Variants in NDUFA9 observed in about 807,000 individuals in gnomAD.
The protein encoded by NDUFA9 is NADH dehydrogenase [ubiquinone] 1 alpha subcomplex subunit 9, mitochondrial.
A neutral mutation model predicts 45.9 loss-of-function variants in NDUFA9; 23 were observed. The ratio of observed to expected loss-of-function variants is 0.50; its 90% confidence interval spans 0.36 to 0.71. NDUFA9 has a LOEUF of 0.71. Ranked by LOEUF, NDUFA9 falls within the 30% of genes least tolerant of loss-of-function variation. The pLI, the probability that NDUFA9 is intolerant of heterozygous loss-of-function variation, is 0.00. For synonymous variants in NDUFA9, 176 were observed against 170.5 expected (o/e 1.03, Z -0.25); for missense variants, 466 against 488.2 (o/e 0.95, Z 0.43).
chr12:4,682,085 A>G (rs917686412), intron 8 of NDUFA9, 120 bp from the exon 9 acceptor site: 9 of 607,070 alleles, frequency 1.5e-5, no homozygotes, highest in African/African-American at 1.1e-4. Context: ...TCTTTGTGCT[A>G]TTCTGTATCT....
chr12:4,685,930 A>G (rs1255399266), intron 10 of NDUFA9, among the ~76,000 whole-genome samples: 3 of 152,222 alleles, frequency 2.0e-5, no homozygotes, highest in Admixed American at 2.0e-4. Context: ...TGGACCATAT[A>G]TTGGCAAGAA....
intron 7 of NDUFA9, chr12:4,668,857 A>G (rs1452930779): frequency 3.2e-6 from 1 of 309,960 alleles, no homozygotes; most frequent in Non-Finnish European, 6.1e-6. Context: ...TTATTGTACA[A>G]CGTGATGAGT....
rs142083320 is a variant in NDUFA9, at chr12:4,689,287, CTTTTATTTTTTATT to C, written c.*2191_*2204del. ...TATCATCTCAGGATGCTGTATATTT[CTTTTATTTTTTATT>C]TTTTATTTTTTTATTTTTATTGATC... On this transcript the variant is annotated 3_prime_UTR_variant, in exon 11 of 11. Transcript: ENST00000266544. The C allele has an allele frequency of 1.3e-5, 2 of 152,540 alleles. No individual in the cohort carries two copies. The highest frequency in any genetic ancestry group is 4.8e-5 in the African/African-American group (2 of 41,328). The allele number at this position is 152,540 out of a possible 1,614,324, so 9.4% of individuals were successfully genotyped here.
chr12:4,671,109 A>G (rs1945884557), intron 8 of NDUFA9, among the ~76,000 whole-genome samples: 1 of 152,136 alleles, frequency 6.6e-6, no homozygotes, highest in African/African-American at 2.4e-5. Context: ...CCCAGGAAAA[A>G]ACTTTGCTTC....
In NDUFA9 at chr12:4,687,080, T is replaced by C. The variant is rs747866891; in HGVS notation, c.1106T>C (p.Val369Ala). 6.2e-7 allele frequency: 1 copy of C among 1,614,168 alleles called. No homozygotes were observed. The highest frequency in any genetic ancestry group is 8.5e-7 in the Non-Finnish European group (1 of 1,180,016). ...TGGCTGTCTGCTGAAATTGAGGATG[T>C]GAAGCCGGCCAAGACCGTCAACATT... ...YRWLSAEIED[V>A]KPAKTVNI The change falls in exon 11 of 11, where the codon GTG becomes GCG. Residue 369 changes from valine to alanine, a missense_variant. By Grantham distance (64) the Val-to-Ala change is moderately conservative. Coordinates refer to ENST00000266544, the MANE Select transcript of NDUFA9 (RefSeq NM_005002.5).
chr12:4,659,734 A>T (rs1945813070), intron 5 of NDUFA9, among the ~76,000 whole-genome samples: 1 of 152,198 alleles, frequency 6.6e-6, no homozygotes, highest in Admixed American at 6.5e-5. Flanking sequence ...CGTGTTCATT[A>T]TCAGGGACGC....
chr12:4,673,939 A>T (rs1183793125), intron 8 of NDUFA9, among the ~76,000 whole-genome samples: 1 of 152,244 alleles, frequency 6.6e-6, no homozygotes, highest in Non-Finnish European at 1.5e-5. Context: ...TTACCCACAA[A>T]GGGAAGCCCA....
chr12:4,662,684 G>C, intron 6 of NDUFA9, 49 bp downstream of exon 6: 1 of 1,425,534 alleles, frequency 7.0e-7, no homozygotes, highest in Non-Finnish European at 9.9e-7. Context: ...GATTAACCAA[G>C]TTGAAGCTGC....
chr12:4,673,780 A>C (rs1945902334), intron 8 of NDUFA9, among the ~76,000 whole-genome samples: 1 of 152,236 alleles, frequency 6.6e-6, no homozygotes, highest in Non-Finnish European at 1.5e-5. Flanking sequence ...CCCAACTAGC[A>C]AGGCAGGCCA....
Position 4,691,361 on chromosome 12 carries a change from G to A in NDUFA9, c.*4253G>A, listed in dbSNP as rs1946017614. ...AATAGCTGCCGTTCCTGAGAAGGAGGGATTCCTATTTCCCAAATGCTGGAA... is the reference window on the plus strand; with the variant it reads ...AATAGCTGCCGTTCCTGAGAAGGAGAGATTCCTATTTCCCAAATGCTGGAA... On this transcript the variant is annotated 3_prime_UTR_variant, in exon 11 of 11. Coordinates refer to ENST00000266544, the MANE Select transcript of NDUFA9 (RefSeq NM_005002.5). The A allele has an allele frequency of 2.0e-5, 3 of 152,224 alleles. No individual in the cohort carries two copies. Among genetic ancestry groups the A allele is most frequent in the African/African-American group, 4.8e-5 (2 of 41,452 alleles). 9.4% of individuals were successfully genotyped at this position (152,224 alleles called of 1,614,324 possible). A position where few individuals can be genotyped will look rare whatever the true frequency, so the allele number is the denominator to read the frequency against.
At position 4,669,758 on chromosome 12, in the gene NDUFA9, A is replaced by G. The variant is rs1945875369; in HGVS notation, c.741A>G (p.Lys247=). Residue 247 remains lysine, a synonymous_variant, in exon 8 of 11, where the codon AAA becomes AAG. Transcript: ENST00000266544. ...KQPVYVVDVS[K]GIVNAVKDPD... is the part of the protein sequence containing the mutation. ...TCTTACAGGTCGTAGATGTATCCAA[A>G]GGAATTGTTAATGCAGTTAAGGATC... is the stretch of plus-strand genomic sequence containing the variant. 3 of 1,609,926 alleles carry G rather than the reference A, an allele frequency of 1.9e-6. No individual in the cohort carries two copies. The highest frequency in any genetic ancestry group is 1.7e-4 in the Middle Eastern group (1 of 6,034).
At chr12:4,669,568 A>G (rs1453826327) in intron 7 of NDUFA9, among the ~76,000 whole-genome samples, 173 bp from the exon 8 acceptor site, 3 of 152,222 alleles carry the variant, frequency 2.0e-5, no homozygotes, top group Non-Finnish European at 2.9e-5. Context: ...CTGGGAATAG[A>G]TAATGCCATT....
intron 8 of NDUFA9, among the ~76,000 whole-genome samples, chr12:4,674,361 A>G (rs1379487869): frequency 2.0e-5 from 3 of 152,236 alleles, no homozygotes; most frequent in Admixed American, 1.3e-4. Flanking sequence ...AAATGCTCCA[A>G]TTAAAAGACA....
At chr12:4,676,355 C>G (rs1290428743) in intron 8 of NDUFA9, among the ~76,000 whole-genome samples, 3 of 152,200 alleles carry the variant, frequency 2.0e-5, no homozygotes, top group Non-Finnish European at 4.4e-5. Context: ...CAAATTGTCT[C>G]TGTTTGCAGA....
At chr12:4,653,659 T>C in intron 1 of NDUFA9, 1 of 447,182 alleles carries the variant, frequency 2.2e-6, no homozygotes, top group South Asian at 1.6e-5. Flanking sequence ...TTATTTGTGA[T>C]GTTCTTCAGT....
intron 8 of NDUFA9, among the ~76,000 whole-genome samples, chr12:4,671,592 A>T (rs1408089370): frequency 6.6e-6 from 1 of 152,194 alleles, no homozygotes; most frequent in Non-Finnish European, 1.5e-5. Flanking sequence ...AGAAGTTGAT[A>T]AATTGATTCT....
chr12:4,654,499 C>A, intron 2 of NDUFA9, 37 bp downstream of exon 2: 2 of 1,605,384 alleles, frequency 1.2e-6, no homozygotes, highest in South Asian at 2.2e-5. Context: ...GCTCCATTGC[C>A]ATTGATCAGG....
chr12:4,659,133 C>T lies in NDUFA9; in HGVS notation c.508C>T (p.Leu170=). Residue 170 remains leucine (L), a synonymous_variant, in exon 5 of 11, where the codon CTG becomes TTG. Transcript: ENST00000266544. ...TGAAAAATTCATTCATGTTTCACATCTGAATGCGAATATTAAAAGCTCTTC... is the reference window on the plus strand; with the variant it reads ...TGAAAAATTCATTCATGTTTCACATTTGAATGCGAATATTAAAAGCTCTTC... ...GVEKFIHVSH[L]NANIKSSSRY... 1 of 1,609,976 alleles carries T rather than the reference C, an allele frequency of 6.2e-7. No homozygotes were observed.
At chr12:4,654,997 T>TA in intron 3 of NDUFA9, 75 bp downstream of exon 3, 2 of 1,211,542 alleles carry the variant, frequency 1.7e-6, no homozygotes, top group Non-Finnish European at 2.4e-6. Context: ...ATAGGCAGTA[T>TA]AATAAAGCAG....
Sources: gnomAD v4.1 joint callset for allele counts (sites outside exome capture counted in the v4.1 genomes callset) on GRCh38, gnomAD v4.1.1 for gene constraint, MANE v1.5 for transcripts, NCBI Gene and HGNC (gene_info 2026-07-23, HGNC 2026-07-21) for gene names.